The following FAM171A1 variants were observed in gnomAD, a reference collection of about 807,000 sequenced individuals.
The protein encoded by FAM171A1 is protein FAM171A1.
Under a neutral mutation model 74.9 loss-of-function variants are expected in FAM171A1, and 23 were observed. The ratio of observed to expected loss-of-function variants is 0.31; its 90% CI spans 0.22 to 0.44. The LOEUF (loss-of-function observed/expected upper bound fraction) is 0.44. Among genes scored for constraint, FAM171A1 ranks in the 20% least tolerant of loss-of-function variants. The pLI is 1.00. For synonymous variants in FAM171A1, 527 were observed against 505.7 expected (o/e 1.04, Z -0.57); for missense variants, 1,162 against 1,159.2 (o/e 1.00, Z -0.03).
intron 5 of FAM171A1, 131 bp from the exon 6 acceptor site, chr10:15,221,191 A>G (rs1834035174): frequency 1.5e-6 from 1 of 672,830 alleles, no homozygotes; most frequent in African/African-American, 1.8e-5. Context: ...CAAGATGGCC[A>G]AAGTGTCATC....
At chr10:15,341,926 T>A (rs1467279427) in intron 1 of FAM171A1, among the ~76,000 whole-genome samples, 1 of 152,192 alleles carries the variant, frequency 6.6e-6, no homozygotes, top group Non-Finnish European at 1.5e-5. Flanking sequence ...ACGACGGCAG[T>A]CTGCCATGGC....
chr10:15,236,450 T>C (rs746910275), intron 5 of FAM171A1, among the ~76,000 whole-genome samples: 19 of 151,852 alleles, frequency 1.3e-4, no homozygotes, highest in Non-Finnish European at 2.4e-4. Context: ...GCTATTATGA[T>C]CCCCATTTTA....
chr10:15,258,710 A>G lies in FAM171A1; in HGVS notation c.419-3831T>C, dbSNP rs139155357. ...CTCCATCCTCGTCGACCTCTTCACA[A>G]TGGTTGACACTGTTTGCCCCTCCTG... is the stretch of plus-strand genomic sequence containing the variant. On this transcript the variant is annotated intron_variant, in intron 3 of 7. Coordinates refer to ENST00000378116, the MANE Select transcript of FAM171A1 (RefSeq NM_001010924.2). Among the ~76,000 whole-genome samples the G allele has an allele frequency of 3.9e-3, 587 of 152,186 alleles. 1 individual carries two copies. Among genetic ancestry groups the G allele is most frequent in the African/African-American group, 0.013 (545 of 41,516 alleles).
chr10:15,229,776 ATCACCATCACCACCATCAC>A (rs1564616814), intron 5 of FAM171A1, among the ~76,000 whole-genome samples: 3 of 84,924 alleles, frequency 3.5e-5, no homozygotes, highest in Admixed American at 2.9e-4. Flanking sequence ...CATCACCATC[ATCACCATCACCACCATCAC>A]CATCATCACC....
intron 1 of FAM171A1, among the ~76,000 whole-genome samples, chr10:15,332,580 C>A (rs767220349): frequency 2.6e-5 from 4 of 152,122 alleles, no homozygotes; most frequent in Non-Finnish European, 5.9e-5. Context: ...AAATAAAAGG[C>A]CTTCATATGA....
intron 5 of FAM171A1, among the ~76,000 whole-genome samples, chr10:15,238,062 T>C (rs1298804013): frequency 6.6e-6 from 1 of 152,180 alleles, no homozygotes; most frequent in Non-Finnish European, 1.5e-5. Flanking sequence ...GGTTCTAAAA[T>C]CACGTCACAC....
chr10:15,367,667 C>T (rs906795274), intron 1 of FAM171A1, among the ~76,000 whole-genome samples: 3 of 152,200 alleles, frequency 2.0e-5, no homozygotes, highest in Non-Finnish European at 2.9e-5. Context: ...AAGAATAGAC[C>T]TCTTAGAGAA....
At chr10:15,343,257 T>C (rs559692297) in intron 1 of FAM171A1, among the ~76,000 whole-genome samples, 46 of 152,190 alleles carry the variant, frequency 3.0e-4, no homozygotes, top group Admixed American at 6.5e-4. Flanking sequence ...TAGTTCCAGT[T>C]ACACAGGGGG....
Position 15,239,236 on chromosome 10 carries a change from A to G in FAM171A1, c.754+9403T>C, listed in dbSNP as rs114845133. Among the ~76,000 whole-genome samples the G allele has an allele frequency of 4.7e-3, 723 of 152,362 alleles. 5 individuals are homozygous for G. Among genetic ancestry groups the G allele is most frequent in the African/African-American group, 0.016 (661 of 41,592 alleles). Reference sequence around the variant, plus strand: ...ACTTCCTTTGACAGACATGGGAAGGAAAACTGCTTCTTTCAAAGGTCAAAT... The same window carrying G: ...ACTTCCTTTGACAGACATGGGAAGGGAAACTGCTTCTTTCAAAGGTCAAAT... On this transcript the variant is annotated intron_variant, in intron 5 of 7. Coordinates refer to ENST00000378116, the MANE Select transcript of FAM171A1 (RefSeq NM_001010924.2).
At position 15,275,879 on chromosome 10, in the gene FAM171A1, C is replaced by T. The variant is rs143423419; in HGVS notation, c.394G>A (p.Val132Ile). Residue 132 changes from valine (V) to isoleucine (I), a missense_variant, in exon 3 of 8, where the codon GTC becomes ATC. Transcript: ENST00000378116. Reference sequence around the variant, plus strand: ...CCTTGGAATCCTGATACTATTTGGACGACATCTTCATATACCATTAGAGTG... The same window carrying T: ...CCTTGGAATCCTGATACTATTTGGATGACATCTTCATATACCATTAGAGTG... ...SATLMVYEDV[V>I]QIVSGFQGAR... 2.2e-5 allele frequency: 35 copies of T among 1,610,732 alleles called. No individual in the cohort carries two copies. The highest frequency in any genetic ancestry group is 1.2e-4 in the African/African-American group (9 of 74,980).
intron 1 of FAM171A1, among the ~76,000 whole-genome samples, chr10:15,300,494 T>C (rs1197753238): frequency 2.0e-5 from 3 of 152,092 alleles, no homozygotes; most frequent in African/African-American, 7.2e-5. Context: ...ACAAAAGTAT[T>C]CCTGATCTTT....
chr10:15,295,243 G>A (rs931756344), intron 1 of FAM171A1, among the ~76,000 whole-genome samples: 2 of 152,090 alleles, frequency 1.3e-5, no homozygotes, highest in African/African-American at 4.8e-5. Flanking sequence ...CGGCCAGCAT[G>A]CCTTGTTTTT....
At chr10:15,320,215 C>T (rs1395387256) in intron 1 of FAM171A1, among the ~76,000 whole-genome samples, 2 of 152,262 alleles carry the variant, frequency 1.3e-5, no homozygotes, top group Admixed American at 1.3e-4. Context: ...TAAGTGAGAA[C>T]GTGGTATTCA....
chr10:15,371,459 C>T (rs1330628479), upstream of FAM171A1, among the ~76,000 whole-genome samples: 2 of 151,414 alleles, frequency 1.3e-5, 1 homozygote, highest in Admixed American at 1.3e-4. Context: ...ATCCCCGCAG[C>T]CCCGCAGAAG....
In FAM171A1 at chr10:15,275,946, T is replaced by C. The variant is rs1834888414; in HGVS notation, c.327A>G (p.Val109=). 2 of 1,605,594 alleles carry C rather than the reference T, an allele frequency of 1.2e-6. No individual in the cohort carries two copies. The highest frequency in any genetic ancestry group is 1.7e-6 in the Non-Finnish European group (2 of 1,174,696). The change falls in exon 3 of 8, where the codon GTA becomes GTG. Residue 109 remains valine (V), a splice_region_variant and synonymous_variant. Coordinates refer to ENST00000378116, the MANE Select transcript of FAM171A1 (RefSeq NM_001010924.2). ...SAPWKPIRLP[V]FSSLSLGLLP... is the part of the protein sequence containing the mutation. ...GCAGGCCAAGGCTCAGAGAGGAAAA[T>C]ACTGCAGGAAAAAGAAATGGATAGA...
chr10:15,370,134 C>T (rs2131897969), intron 1 of FAM171A1, among the ~76,000 whole-genome samples: 1 of 152,086 alleles, frequency 6.6e-6, no homozygotes, highest in Non-Finnish European at 1.5e-5. Flanking sequence ...CGTGGCCATT[C>T]TCAGAGGCGA....
At chr10:15,255,362 T>C (rs1834565494) in intron 3 of FAM171A1, among the ~76,000 whole-genome samples, 1 of 152,216 alleles carries the variant, frequency 6.6e-6, no homozygotes, top group African/African-American at 2.4e-5. Flanking sequence ...GAATTAACAG[T>C]GCAACCTTGA....
chr10:15,299,468 C>T (rs1039895000), intron 1 of FAM171A1, among the ~76,000 whole-genome samples: 2 of 150,528 alleles, frequency 1.3e-5, no homozygotes, highest in Non-Finnish European at 3.0e-5. Flanking sequence ...TATAGATATG[C>T]ATTTACAGTT....
intron 1 of FAM171A1, among the ~76,000 whole-genome samples, chr10:15,354,655 G>T (rs938119767): frequency 1.3e-5 from 2 of 152,170 alleles, no homozygotes; most frequent in East Asian, 3.9e-4. Context: ...GAAGAAACAG[G>T]CTGGGCTGCA....
Sources: gnomAD v4.1 joint callset for allele counts (sites outside exome capture counted in the v4.1 genomes callset) on GRCh38, gnomAD v4.1.1 for gene constraint, MANE v1.5 for transcripts, NCBI Gene and HGNC (gene_info 2026-07-23, HGNC 2026-07-21) for gene names.